The following IL10RB variants were observed in gnomAD, a reference collection of about 807,000 sequenced individuals.
IL10RB encodes interleukin-10 receptor subunit beta.
A neutral mutation model predicts 38.7 loss-of-function variants in IL10RB; 30 were observed. That is an observed-to-expected ratio of 0.78 (90% CI 0.58 to 1.05). The LOEUF is 1.05. Among genes scored for constraint, IL10RB ranks in the 50% least tolerant of loss-of-function variants. The pLI is 0.00. For synonymous variants in IL10RB, 142 were observed against 145.9 expected (o/e 0.97, Z 0.19); for missense variants, 328 against 397.1 (o/e 0.83, Z 1.48).
chr21:33,280,925 T>A (rs2843706), intron 4 of IL10RB, among the ~76,000 whole-genome samples: 72,956 of 152,078 alleles, frequency 0.48, 18,215 homozygotes, highest in African/African-American at 0.62. Flanking sequence ...GTCTTAGTCC[T>A]TTCCTGCTGC....
intron 1 of IL10RB, chr21:33,268,110 A>G (rs1217350165): frequency 5.4e-6 from 4 of 740,148 alleles, no homozygotes; most frequent in Non-Finnish European, 8.0e-6. Context: ...TATATCTGAA[A>G]TCCATGTGCC....
intron 4 of IL10RB, among the ~76,000 whole-genome samples, chr21:33,280,459 T>A (rs1304130942): frequency 1.3e-5 from 2 of 152,210 alleles, no homozygotes; most frequent in Non-Finnish European, 2.9e-5. Flanking sequence ...TAACTTACTT[T>A]ATTAATAAAA....
intron 6 of IL10RB, among the ~76,000 whole-genome samples, chr21:33,291,605 C>CTGTT (rs1989488433): frequency 6.6e-6 from 1 of 152,188 alleles, no homozygotes; most frequent in African/African-American, 2.4e-5. Flanking sequence ...CAACACCTAA[C>CTGTT]AGGATCCTCT....
At position 33,268,518 on chromosome 21, in the gene IL10RB, G is replaced by A; in HGVS notation, c.173+1G>A. ...TGACTTTCACAGCTCAGTACCTAAGGTGGGTCTGGCCTCACTATTGGCAGG... is the reference window on the plus strand; with the variant it reads ...TGACTTTCACAGCTCAGTACCTAAGATGGGTCTGGCCTCACTATTGGCAGG... On this transcript the variant is annotated splice_donor_variant, in intron 2 of 6. Coordinates refer to ENST00000290200, the MANE Select transcript of IL10RB (RefSeq NM_000628.5). LOFTEE classifies it high-confidence loss of function. 1 of 1,609,308 alleles carries A rather than the reference G, an allele frequency of 6.2e-7. No individual in the cohort carries two copies. The highest frequency in any genetic ancestry group is 8.5e-7 in the Non-Finnish European group (1 of 1,175,698).
At chr21:33,299,695 C>G (rs1158329588), downstream of IL10RB, among the ~76,000 whole-genome samples, 3 of 152,172 alleles carry the variant, frequency 2.0e-5, no homozygotes, top group Non-Finnish European at 4.4e-5. Context: ...GATGCCCAGG[C>G]CTTACCATGA....
At chr21:33,299,216 G>A (rs548422519), downstream of IL10RB, among the ~76,000 whole-genome samples, 2 of 152,150 alleles carry the variant, frequency 1.3e-5, no homozygotes, top group South Asian at 4.2e-4. Context: ...CCATGTCTTC[G>A]ATTTCCTGTG....
At chr21:33,299,627 AC>A (rs1488512925), downstream of IL10RB, among the ~76,000 whole-genome samples, 1 of 152,052 alleles carries the variant, frequency 6.6e-6, no homozygotes, top group Non-Finnish European at 1.5e-5. Flanking sequence ...TCCTCTCACA[AC>A]CATGGGTCTC....
chr21:33,276,518 T>C (rs1191951666), intron 2 of IL10RB, 78 bp from the exon 3 acceptor site: 5 of 1,073,036 alleles, frequency 4.7e-6, no homozygotes, highest in Non-Finnish European at 5.7e-6. Flanking sequence ...CGCCCCCCCC[T>C]CCAAATTAAG....
At chr21:33,287,067 T>A (rs1255837927) in intron 5 of IL10RB, among the ~76,000 whole-genome samples, 1 of 151,882 alleles carries the variant, frequency 6.6e-6, no homozygotes, top group Non-Finnish European at 1.5e-5. Context: ...TTCCTGATGA[T>A]TTCAAAAGAA....
intron 6 of IL10RB, among the ~76,000 whole-genome samples, chr21:33,290,519 T>C (rs1270227658): frequency 6.6e-6 from 1 of 152,108 alleles, no homozygotes; most frequent in Non-Finnish European, 1.5e-5. Context: ...AGCAGCGGTT[T>C]CCCCAGTAGG....
intron 2 of IL10RB, among the ~76,000 whole-genome samples, chr21:33,273,129 C>T (rs8178462): frequency 2.0e-5 from 3 of 152,136 alleles, no homozygotes; most frequent in Non-Finnish European, 4.4e-5. Flanking sequence ...GGTGTAGCCT[C>T]GTATACACCT....
chr21:33,291,686 C>G (rs1261302306), intron 6 of IL10RB, among the ~76,000 whole-genome samples: 2 of 152,206 alleles, frequency 1.3e-5, no homozygotes, highest in Non-Finnish European at 2.9e-5. Context: ...CAGCAAATCA[C>G]TCCTAAACTA....
At chr21:33,298,273 G>A (rs955852818), downstream of IL10RB, among the ~76,000 whole-genome samples, 4 of 151,076 alleles carry the variant, frequency 2.6e-5, no homozygotes, top group African/African-American at 9.7e-5. Context: ...GGGTAGATCT[G>A]TGATTGCTTT....
rs527454853 is a variant in IL10RB, at chr21:33,278,022, C to G, written c.331+1269C>G. Among the ~76,000 whole-genome samples the G allele has an allele frequency of 3.0e-3, 398 of 132,698 alleles. 6 individuals carry two copies. Among genetic ancestry groups the G allele is most frequent in the Non-Finnish European group, 1.2e-3 (76 of 64,394 alleles). 87.1% of individuals were successfully genotyped at this position (132,698 alleles called of 152,430 possible). ...CCTGGGCAACATGGTGAAACCCTGT[C>G]TCTACAAAAAACAAAAAAAATACCA... On this transcript the variant is annotated intron_variant, in intron 3 of 6. Coordinates refer to ENST00000290200, the MANE Select transcript of IL10RB (RefSeq NM_000628.5).
intron 4 of IL10RB, among the ~76,000 whole-genome samples, chr21:33,281,174 C>T (rs1321887777): frequency 6.6e-6 from 1 of 152,230 alleles, no homozygotes; most frequent in African/African-American, 2.4e-5. Context: ...TATTTAATCA[C>T]TTCTGAAAAC....
chr21:33,291,470 T>A (rs997588410), intron 6 of IL10RB, among the ~76,000 whole-genome samples: 2 of 152,174 alleles, frequency 1.3e-5, no homozygotes, highest in Non-Finnish European at 2.9e-5. Context: ...TTCCCCATGT[T>A]GGCCAGGCTG....
downstream of IL10RB, among the ~76,000 whole-genome samples, chr21:33,300,301 C>A (rs993228088): frequency 6.6e-6 from 1 of 151,902 alleles, no homozygotes; most frequent in Non-Finnish European, 1.5e-5. Flanking sequence ...ATTAGCCAGG[C>A]GTGGTGGCAG....
intron 6 of IL10RB, among the ~76,000 whole-genome samples, chr21:33,291,545 C>T (rs2843699): frequency 0.44 from 66,596 of 151,952 alleles, 15,253 homozygotes; most frequent in Non-Finnish European, 0.51. Flanking sequence ...GGATTACAGG[C>T]GTGAGCCACA....
At chr21:33,269,894 A>T (rs1989045100) in intron 2 of IL10RB, among the ~76,000 whole-genome samples, 1 of 152,114 alleles carries the variant, frequency 6.6e-6, no homozygotes, top group South Asian at 2.1e-4. Context: ...TCCTGACCTC[A>T]TGATCCACCC....
Sources: allele counts gnomAD v4.1 joint callset (sites outside exome capture counted in the v4.1 genomes callset), GRCh38; gene constraint gnomAD v4.1.1; transcripts MANE v1.5; gene names NCBI Gene and HGNC (gene_info 2026-07-23, HGNC 2026-07-21).